PRKX: variants seen among roughly 807,000 people sequenced by gnomAD.
PRKX encodes cAMP-dependent protein kinase catalytic subunit PRKX.
PRKX carries 12 observed loss-of-function variants against 22.0 expected under a neutral mutation model. The observed-to-expected ratio is 0.54, with a 90% CI of 0.35 to 0.88. PRKX has a LOEUF of 0.88. PRKX is among the 40% of genes least tolerant of loss of function. The pLI, the probability that PRKX is intolerant of heterozygous loss-of-function variation, is 0.01. For synonymous variants in PRKX, 134 were observed against 137.7 expected (o/e 0.97, Z 0.19); for missense variants, 217 against 308.0 (o/e 0.70, Z 2.21).
chrX:3,713,269 T>C lies in PRKX; in HGVS notation c.-16A>G. The C allele has an allele frequency of 9.9e-7, 1 of 1,011,296 alleles. No homozygotes were observed. The allele number at this position is 1,011,296 out of a possible 1,213,427, so 83.3% of individuals were successfully genotyped here. A position where few individuals can be genotyped will look rare whatever the true frequency, so the allele number is the denominator to read the frequency against. On this transcript the variant is annotated 5_prime_UTR_variant, in exon 1 of 9. Coordinates refer to ENST00000262848, the MANE Select transcript of PRKX (RefSeq NM_005044.5). ...GCGCCTCCATGGGGACGCACTCAGGTCCGGGGCACCGGGCCAGGCCGGAGC... is the reference window on the plus strand; with the variant it reads ...GCGCCTCCATGGGGACGCACTCAGGCCCGGGGCACCGGGCCAGGCCGGAGC...
intron 1 of PRKX, among the ~76,000 whole-genome samples, chrX:3,707,420 G>T (rs1398110511): frequency 9.0e-6 from 1 of 110,836 alleles, no homozygotes; most frequent in Non-Finnish European, 1.9e-5. Context: ...GGATGGTCTT[G>T]GGCACACACT....
At chrX:3,625,630 G>C (rs1270710458) in intron 5 of PRKX, among the ~76,000 whole-genome samples, 2 of 110,829 alleles carry the variant, frequency 1.8e-5, no homozygotes, top group African/African-American at 6.6e-5. Context: ...GGAATGTAGT[G>C]GTGCGATCTC....
rs777669799 is a variant in PRKX at position 3,675,761 on chromosome X, G to A, written c.167-995C>T. On this transcript the variant is annotated intron_variant, in intron 1 of 8. Transcript: ENST00000262848. ...GTAACACACTGATCCTACAAGGTGT[G>A]CACGTGTTCACGCACATATTGAAAT... is the stretch of plus-strand genomic sequence containing the variant. 1.4e-4 allele frequency among the ~76,000 whole-genome samples: 16 copies of A among 111,097 alleles called. No individual in the cohort carries two copies. In the South Asian group the frequency reaches 6.0e-3, roughly 42 times the overall value.
chrX:3,659,667 G>A (rs761778477), intron 2 of PRKX: 2 of 110,569 alleles, frequency 1.8e-5, no homozygotes. Context: ...AGGGAAGCAG[G>A]GACACTATAT....
Position 3,613,494 on chromosome X carries a change from G to A in PRKX, c.952-1169C>T, listed in dbSNP as rs147528982. On this transcript the variant is annotated intron_variant, in intron 7 of 8. Coordinates refer to ENST00000262848, the MANE Select transcript of PRKX (RefSeq NM_005044.5). ...TGGATAGATAAAACGTATTCAAATT[G>A]TTTTTTTAATGCAATTTAATACAAT... 7.4e-3 allele frequency among the ~76,000 whole-genome samples: 814 copies of A among 109,650 alleles called. 11 individuals carry two copies. Among genetic ancestry groups the A allele is most frequent in the African/African-American group, 0.026 (793 of 30,378 alleles).
chrX:3,611,078 C>T (rs1006428726), intron 8 of PRKX: 21 of 112,018 alleles, frequency 1.9e-4, no homozygotes, highest in Non-Finnish European at 3.8e-4. Flanking sequence ...GAGGTGAAGC[C>T]ATGCCATGGA....
chrX:3,638,878 G>T (rs1200793515), intron 4 of PRKX, among the ~76,000 whole-genome samples: 1 of 105,633 alleles, frequency 9.5e-6, no homozygotes, highest in Non-Finnish European at 1.9e-5. Flanking sequence ...TAGATAAATA[G>T]GAAGTAGATG....
rs148228295 is a variant in PRKX at position 3,619,712 on chromosome X, C to T, written c.873+1547G>A. Among the ~76,000 whole-genome samples the T allele has an allele frequency of 4.0e-3, 441 of 111,558 alleles. 5 individuals are homozygous for T. The highest frequency in any genetic ancestry group is 0.014 in the African/African-American group (417 of 30,723). Reference sequence around the variant, plus strand: ...TGAGACACCTTGATCTCAGACTCCTCGTCTCCAGGATGGGGAAAGCAGAAA... The same window carrying T: ...TGAGACACCTTGATCTCAGACTCCTTGTCTCCAGGATGGGGAAAGCAGAAA... On this transcript the variant is annotated intron_variant, in intron 6 of 8. Transcript: ENST00000262848.
chrX:3,699,298 A>C (rs1478552098), intron 1 of PRKX, among the ~76,000 whole-genome samples: 1 of 109,357 alleles, frequency 9.1e-6, no homozygotes, highest in Non-Finnish European at 1.9e-5. Context: ...CAGCCTCCCA[A>C]AGTGCTGGGA....
At chrX:3,629,401 A>C (rs1365557046) in intron 4 of PRKX, among the ~76,000 whole-genome samples, 1 of 103,380 alleles carries the variant, frequency 9.7e-6, no homozygotes, top group Non-Finnish European at 2.0e-5. Flanking sequence ...CTGCACCACC[A>C]CGCCAGGGTT....
At chrX:3,629,150 C>T (rs1926717167) in intron 4 of PRKX, among the ~76,000 whole-genome samples, 2 of 112,286 alleles carry the variant, frequency 1.8e-5, no homozygotes, top group South Asian at 7.4e-4. Context: ...CTCTACAGCA[C>T]GAGCAATACC....
intron 2 of PRKX, among the ~76,000 whole-genome samples, chrX:3,661,444 A>G (rs1390638858): frequency 9.1e-6 from 1 of 110,077 alleles, no homozygotes; most frequent in Non-Finnish European, 1.9e-5. Flanking sequence ...CTGTCTCTGC[A>G]AAAAATAAAA....
chrX:3,610,924 A>C (rs1926282501), intron 8 of PRKX: 1 of 111,701 alleles, frequency 9.0e-6, no homozygotes, highest in African/African-American at 3.3e-5. Context: ...AGAGAAACAA[A>C]AAGAAGTAAA....
At chrX:3,700,063 C>G (rs1041023107) in intron 1 of PRKX, among the ~76,000 whole-genome samples, 11 of 111,648 alleles carry the variant, frequency 9.9e-5, no homozygotes, top group Non-Finnish European at 2.1e-4. Flanking sequence ...CTAATAGTCA[C>G]AAGCTATGAA....
rs147760569 is a variant in PRKX at position 3,665,289 on chromosome X, C to T, written c.335+9309G>A. Reference sequence around the variant, plus strand: ...ATGAGGAATTCCAGATCAGCCCAGTCAACAAGGTGAAAACCCATATTTACT... The same window carrying T: ...ATGAGGAATTCCAGATCAGCCCAGTTAACAAGGTGAAAACCCATATTTACT... On this transcript the variant is annotated intron_variant, in intron 2 of 8. Coordinates refer to ENST00000262848, the MANE Select transcript of PRKX (RefSeq NM_005044.5). 9.5e-3 allele frequency among the ~76,000 whole-genome samples: 1,048 copies of T among 110,689 alleles called. 12 individuals carry two copies. Among genetic ancestry groups the T allele is most frequent in the African/African-American group, 0.03 (918 of 30,390 alleles).
chrX:3,627,605 G>T (rs1189653448), intron 4 of PRKX, among the ~76,000 whole-genome samples: 1 of 108,796 alleles, frequency 9.2e-6, no homozygotes, highest in East Asian at 3.0e-4. Flanking sequence ...GGGATCACAG[G>T]TATCTGCCAC....
At chrX:3,642,701 T>C (rs1245807454) in intron 3 of PRKX, among the ~76,000 whole-genome samples, 2 of 109,543 alleles carry the variant, frequency 1.8e-5, no homozygotes, top group Non-Finnish European at 3.8e-5. Context: ...AAAAGAATAA[T>C]TCAAGAACTC....
intron 1 of PRKX, among the ~76,000 whole-genome samples, chrX:3,711,909 G>A (rs966492891): frequency 1.8e-5 from 2 of 110,814 alleles, no homozygotes; most frequent in African/African-American, 6.6e-5. Context: ...ATAAAGAGGA[G>A]GAGGGAGGGA....
chrX:3,666,253 C>A (rs1927727213), intron 2 of PRKX, among the ~76,000 whole-genome samples: 1 of 104,678 alleles, frequency 9.6e-6, no homozygotes, highest in South Asian at 4.4e-4. Context: ...CTCCCAGGTT[C>A]ATGCCGTTCT....
Sources: allele counts gnomAD v4.1 joint callset (sites outside exome capture counted in the v4.1 genomes callset), GRCh38; gene constraint gnomAD v4.1.1; transcripts MANE v1.5; gene names NCBI Gene and HGNC (gene_info 2026-07-23, HGNC 2026-07-21).